Variants in IKBKB-DT observed in about 807,000 individuals in gnomAD.
IKBKB-DT encodes the protein IKBKB antisense RNA.
intron 3 of IKBKB-DT, among the ~76,000 whole-genome samples, chr8:42,259,436 T>C (rs1444012543): frequency 6.6e-6 from 1 of 152,312 alleles, no homozygotes; most frequent in East Asian, 1.9e-4. Flanking sequence ...CAGCAATTAA[T>C]GCTTCCATGT....
At chr8:42,259,085 G>T (rs1807246597) in intron 3 of IKBKB-DT, among the ~76,000 whole-genome samples, 1 of 151,890 alleles carries the variant, frequency 6.6e-6, no homozygotes. Context: ...GAATGCAATG[G>T]CGCTATCTCG....
intron 3 of IKBKB-DT, among the ~76,000 whole-genome samples, chr8:42,262,808 G>A (rs530226309): frequency 1.4e-3 from 210 of 150,960 alleles, no homozygotes; most frequent in Non-Finnish European, 2.2e-3. Flanking sequence ...GCGTAATCAC[G>A]GCTCACTGCA....
rs773177896 is a variant in IKBKB-DT at position 42,241,224 on chromosome 8, C to CTTTTTTTTTTTTTTTTTTT, written n.1530-7384_1530-7366dup. Among the ~76,000 whole-genome samples the CTTTTTTTTTTTTTTTTTTT allele has an allele frequency of 9.2e-4, 42 of 45,692 alleles. 18 individuals are homozygous for CTTTTTTTTTTTTTTTTTTT. The highest frequency in any genetic ancestry group is 5.9e-3 in the East Asian group (4 of 674). The allele number at this position is 45,692 out of a possible 152,430, so 30.0% of individuals were successfully genotyped here. On this transcript the variant is annotated intron_variant and non_coding_transcript_variant, in intron 3 of 3. Transcript: ENST00000518213. ...TTGATGCCTTTAGATATGTTGGAAT[C>CTTTTTTTTTTTTTTTTTTT]TTTTTTTTTTTTTTTTTTTTTTTTT...
At chr8:42,233,928 CA>C (rs1171334901) in intron 3 of IKBKB-DT, 1 of 152,052 alleles carries the variant, frequency 6.6e-6, no homozygotes, top group Non-Finnish European at 1.5e-5. Flanking sequence ...GCAGGGTCTG[CA>C]AAATATCTCA....
chr8:42,234,832 G>A (rs1211331590), intron 3 of IKBKB-DT, among the ~76,000 whole-genome samples: 1 of 152,158 alleles, frequency 6.6e-6, no homozygotes, highest in Admixed American at 6.5e-5. Flanking sequence ...ATTTCACCAT[G>A]TTGGTGAGGC....
chr8:42,247,234 G>A (rs961370037), intron 3 of IKBKB-DT, among the ~76,000 whole-genome samples: 9 of 152,188 alleles, frequency 5.9e-5, no homozygotes, highest in Non-Finnish European at 1.3e-4. Flanking sequence ...ATGCATCAGC[G>A]TGTTTTGGAT....
At chr8:42,247,814 G>A (rs905565199) in intron 3 of IKBKB-DT, among the ~76,000 whole-genome samples, 10 of 152,098 alleles carry the variant, frequency 6.6e-5, no homozygotes, top group Admixed American at 2.0e-4. Flanking sequence ...AAGTGCCTGC[G>A]CTGGGTGCAG....
At chr8:42,243,552 A>G (rs1175059623) in intron 3 of IKBKB-DT, among the ~76,000 whole-genome samples, 1 of 152,224 alleles carries the variant, frequency 6.6e-6, no homozygotes, top group African/African-American at 2.4e-5. Flanking sequence ...CATAATCTCA[A>G]CTATTAATTG....
chr8:42,240,036 TAACA>T (rs1172949943), intron 3 of IKBKB-DT, among the ~76,000 whole-genome samples: 1 of 152,172 alleles, frequency 6.6e-6, no homozygotes, highest in Admixed American at 6.5e-5. Flanking sequence ...TTTTCCTTTA[TAACA>T]AACTGATTTT....
At chr8:42,240,624 CAAAAA>C (rs1208809199) in intron 3 of IKBKB-DT, among the ~76,000 whole-genome samples, 3,332 of 25,960 alleles carry the variant, frequency 0.13, 62 homozygotes, top group South Asian at 0.3. Context: ...GACTCAGTCT[CAAAAA>C]AAAAAAAAAA....
At chr8:42,269,467 A>AAG in intron 1 of IKBKB-DT, among the ~76,000 whole-genome samples, 1 of 33,028 alleles carries the variant, frequency 3.0e-5, no homozygotes, top group African/African-American at 1.3e-4. Flanking sequence ...AGGGGAGGGG[A>AAG]GGGGAGGAAA....
chr8:42,263,655 T>C (rs1460942895), intron 2 of IKBKB-DT, among the ~76,000 whole-genome samples: 4 of 152,142 alleles, frequency 2.6e-5, no homozygotes, highest in Non-Finnish European at 5.9e-5. Context: ...TGGACAGTTA[T>C]GGGGTGGTGT....
At chr8:42,268,765 C>G (rs1475462008) in intron 1 of IKBKB-DT, among the ~76,000 whole-genome samples, 3 of 151,860 alleles carry the variant, frequency 2.0e-5, no homozygotes, top group Non-Finnish European at 4.4e-5. Context: ...CGTGGTTTCA[C>G]CATGTTGGCC....
At chr8:42,255,853 G>A (rs1004371768) in intron 3 of IKBKB-DT, among the ~76,000 whole-genome samples, 3 of 151,788 alleles carry the variant, frequency 2.0e-5, no homozygotes, top group Non-Finnish European at 4.4e-5. Flanking sequence ...GTGAAACCCC[G>A]TCTCTACTAA....
chr8:42,255,383 C>T (rs964180070), intron 3 of IKBKB-DT: 7 of 152,178 alleles, frequency 4.6e-5, no homozygotes, highest in African/African-American at 1.4e-4. Flanking sequence ...CCAAGTCTCT[C>T]AAGAATACAA....
In IKBKB-DT at chr8:42,243,692, C is replaced by T. The variant is rs138911024; in HGVS notation, n.1530-9833G>A. 2.0e-4 allele frequency among the ~76,000 whole-genome samples: 31 copies of T among 152,250 alleles called. No homozygotes were observed. In the East Asian group the frequency reaches 2.1e-3, roughly 10 times the overall value. On this transcript the variant is annotated intron_variant and non_coding_transcript_variant, in intron 3 of 3. Transcript: ENST00000518213. Reference sequence around the variant, plus strand: ...ATGGTAGAATTGAGTTTAATTTAGACGGACAGTACTCACAGGAACCCAGTT... The same window carrying T: ...ATGGTAGAATTGAGTTTAATTTAGATGGACAGTACTCACAGGAACCCAGTT...
intron 3 of IKBKB-DT, among the ~76,000 whole-genome samples, chr8:42,238,229 TG>T (rs148780303): frequency 0.021 from 3,251 of 152,082 alleles, 118 homozygotes; most frequent in African/African-American, 0.074. Context: ...CAACATTGGC[TG>T]AGTGGGGAGC....
intron 3 of IKBKB-DT, among the ~76,000 whole-genome samples, chr8:42,239,650 A>ATTT (rs550862579): frequency 9.0e-6 from 1 of 110,754 alleles, no homozygotes; most frequent in Non-Finnish European, 1.8e-5. Context: ...TTATTTATTC[A>ATTT]TTTTTTTTTT....
chr8:42,233,908 T>C (rs1806886474), intron 3 of IKBKB-DT: 1 of 152,032 alleles, frequency 6.6e-6, no homozygotes, highest in Non-Finnish European at 1.5e-5. Context: ...TGCCAGCTGA[T>C]CCATCAAGTG....
Sources: allele counts gnomAD v4.1 joint callset (sites outside exome capture counted in the v4.1 genomes callset), GRCh38; gene constraint gnomAD v4.1.1; transcripts MANE v1.5; gene names NCBI Gene and HGNC (gene_info 2026-07-23, HGNC 2026-07-21).